The following RGS8 variants were observed in gnomAD, a reference collection of about 807,000 sequenced individuals.
The protein encoded by RGS8 is regulator of G-protein signaling 8.
A neutral mutation model predicts 21.7 loss-of-function variants in RGS8; 8 were observed. That is an observed-to-expected ratio of 0.37 (90% CI 0.22 to 0.66). The LOEUF (loss-of-function observed/expected upper bound fraction) is 0.66. Ranked by LOEUF, RGS8 falls within the 30% of genes least tolerant of loss-of-function variation. RGS8 has a pLI of 0.59. For synonymous variants in RGS8, 80 were observed against 83.6 expected, an observed-to-expected ratio of 0.96 and a Z score of 0.24; for missense variants, 157 against 217.9, an observed-to-expected ratio of 0.72 and a Z score of 1.76.
the RGS8 span, among the ~76,000 whole-genome samples, chr1:182,750,858 T>C: frequency 1.3e-5 from 2 of 151,520 alleles, no homozygotes; most frequent in Non-Finnish European, 2.9e-5. Context: ...TGTAGGTATA[T>C]AAATAAACAG....
the RGS8 span, among the ~76,000 whole-genome samples, chr1:182,742,383 C>A: frequency 1.3e-5 from 2 of 151,948 alleles, no homozygotes; most frequent in African/African-American, 2.4e-5. Context: ...GAGGCCAAGG[C>A]AGGCGGCTGG....
At chr1:182,741,315 C>CA in the RGS8 span, among the ~76,000 whole-genome samples, 2 of 5,326 alleles carry the variant, frequency 3.8e-4, 1 homozygote, top group Non-Finnish European at 1.1e-3. Flanking sequence ...GGGGGGCTGA[C>CA]CCCCCACCTC....
the RGS8 span, among the ~76,000 whole-genome samples, chr1:182,715,998 T>C: frequency 3.9e-5 from 6 of 152,160 alleles, no homozygotes; most frequent in African/African-American, 1.2e-4. Context: ...AAGTCCCTCA[T>C]ATAAAATGGC....
the RGS8 span, among the ~76,000 whole-genome samples, chr1:182,718,849 G>T: frequency 1.3e-5 from 2 of 152,070 alleles, no homozygotes. Context: ...CTCCCACCTT[G>T]AATCCAATCT....
chr1:182,690,569 G>T, the RGS8 span, among the ~76,000 whole-genome samples: 1 of 152,200 alleles, frequency 6.6e-6, no homozygotes, highest in Admixed American at 6.5e-5. Context: ...TTAAATGACA[G>T]GGCTAGACTA....
upstream of RGS8, among the ~76,000 whole-genome samples, chr1:182,685,487 C>T (rs1219598625): frequency 6.6e-6 from 1 of 152,216 alleles, no homozygotes; most frequent in Non-Finnish European, 1.5e-5. Flanking sequence ...GAGAAAGAGA[C>T]TGACAGGGAA....
At chr1:182,671,157 GC>G (rs1464343472) in intron 2 of RGS8, among the ~76,000 whole-genome samples, 3 of 152,136 alleles carry the variant, frequency 2.0e-5, no homozygotes, top group Non-Finnish European at 4.4e-5. Context: ...CTGTTCAGTT[GC>G]CTGTCTCTCT....
At chr1:182,737,775 T>A in the RGS8 span, among the ~76,000 whole-genome samples, 26 of 152,076 alleles carry the variant, frequency 1.7e-4, no homozygotes, top group Non-Finnish European at 3.5e-4. Context: ...CCTCTTATCT[T>A]TGGGGGCGAC....
At chr1:182,671,414 T>G (rs551343519) in intron 2 of RGS8, among the ~76,000 whole-genome samples, 8 of 152,164 alleles carry the variant, frequency 5.3e-5, no homozygotes, top group African/African-American at 1.9e-4. Flanking sequence ...TAGGTGGGCA[T>G]CAAGTCACAG....
the RGS8 span, among the ~76,000 whole-genome samples, chr1:182,712,512 A>G: frequency 6.6e-6 from 1 of 152,236 alleles, no homozygotes; most frequent in East Asian, 1.9e-4. Context: ...CGGCCAGAAC[A>G]TAAAAATGTC....
chr1:182,687,706 C>A (rs1351786508), upstream of RGS8, among the ~76,000 whole-genome samples: 2 of 152,190 alleles, frequency 1.3e-5, no homozygotes, highest in African/African-American at 4.8e-5. Context: ...GTACCTCCAG[C>A]ACCAAGTAAG....
chr1:182,705,222 A>G, the RGS8 span, among the ~76,000 whole-genome samples: 2 of 152,198 alleles, frequency 1.3e-5, no homozygotes, highest in Non-Finnish European at 2.9e-5. Flanking sequence ...CCCATGACAC[A>G]TGGTAAAAAC....
the RGS8 span, among the ~76,000 whole-genome samples, chr1:182,719,143 G>A: frequency 6.6e-6 from 1 of 152,132 alleles, no homozygotes; most frequent in Non-Finnish European, 1.5e-5. Context: ...GGCCTTCTTA[G>A]TCCCATGCCT....
intron 5 of RGS8, among the ~76,000 whole-genome samples, chr1:182,650,189 C>G (rs565775909): frequency 6.6e-6 from 1 of 152,138 alleles, no homozygotes; most frequent in Non-Finnish European, 1.5e-5. Flanking sequence ...GGATTACAGG[C>G]GTGAGCCACC....
chr1:182,728,214 T>C, the RGS8 span, among the ~76,000 whole-genome samples: 2 of 152,202 alleles, frequency 1.3e-5, no homozygotes, highest in African/African-American at 4.8e-5. Context: ...CAAAGCTGAA[T>C]AGCATATTCT....
chr1:182,746,725 G>A, the RGS8 span, among the ~76,000 whole-genome samples: 1 of 151,728 alleles, frequency 6.6e-6, no homozygotes, highest in South Asian at 2.1e-4. Flanking sequence ...AGAGAGAAAG[G>A]GAGGGAGGGA....
chr1:182,697,553 T>A, the RGS8 span, among the ~76,000 whole-genome samples: 1 of 152,206 alleles, frequency 6.6e-6, no homozygotes, highest in Non-Finnish European at 1.5e-5. Context: ...GGCTGACAAC[T>A]GTAATCAAAA....
At chr1:182,669,201 G>A (rs1221933736) in intron 3 of RGS8, among the ~76,000 whole-genome samples, 1 of 152,180 alleles carries the variant, frequency 6.6e-6, no homozygotes, top group Admixed American at 6.5e-5. Flanking sequence ...TCTTAGCTAG[G>A]TCTGAAATAA....
chr1:182,674,277 G>A (rs1324872130), upstream of RGS8, among the ~76,000 whole-genome samples: 1 of 152,162 alleles, frequency 6.6e-6, no homozygotes, highest in Non-Finnish European at 1.5e-5. Flanking sequence ...ATATTAACCA[G>A]GCATCAGAAT....
Sources: gnomAD v4.1 joint callset for allele counts (sites outside exome capture counted in the v4.1 genomes callset) on GRCh38, gnomAD v4.1.1 for gene constraint, MANE v1.5 for transcripts, NCBI Gene and HGNC (gene_info 2026-07-23, HGNC 2026-07-21) for gene names.